Variants in CACNA2D4 observed in about 807,000 individuals in gnomAD.
The protein encoded by CACNA2D4 is calcium voltage-gated channel auxiliary subunit alpha2delta 4.
A neutral mutation model predicts 163.8 loss-of-function variants in CACNA2D4; 157 were observed. The observed-to-expected ratio is 0.96, with a 90% confidence interval of 0.84 to 1.09. CACNA2D4 has a LOEUF of 1.09. Ranked by LOEUF, CACNA2D4 falls within the 50% of genes least tolerant of loss-of-function variation. The probability of loss-of-function intolerance (pLI) is 0.00; values close to 1 mark genes in which losing one functional copy is unlikely to be tolerated. For synonymous variants in CACNA2D4, 598 were observed against 586.9 expected (o/e 1.02, Z -0.27); for missense variants, 1,410 against 1,479.9 (o/e 0.95, Z 0.78).
chr12:1,821,184 A>G (rs1864086152), intron 26 of CACNA2D4, among the ~76,000 whole-genome samples: 1 of 152,182 alleles, frequency 6.6e-6, no homozygotes, highest in Non-Finnish European at 1.5e-5. Flanking sequence ...CTGCACAGAC[A>G]GCCCCAAGAA....
intron 26 of CACNA2D4, among the ~76,000 whole-genome samples, chr12:1,839,857 C>A (rs1398493091): frequency 6.6e-6 from 1 of 152,122 alleles, no homozygotes; most frequent in Non-Finnish European, 1.5e-5. Context: ...TTAGTAACAC[C>A]TTTTGGGGGA....
chr12:1,864,009 G>A (rs1182331458), intron 18 of CACNA2D4, among the ~76,000 whole-genome samples: 1 of 152,244 alleles, frequency 6.6e-6, no homozygotes, highest in African/African-American at 2.4e-5. Context: ...TCGCTGGAAC[G>A]TGGCCGCCAG....
Position 1,801,566 on chromosome 12 carries a change from C to A in CACNA2D4, c.2792+8G>T. ...TATTTGGACTGGGGAGGAGTGTGCC[C>A]CACTTACTGGCTGAACACCCCCATG... On this transcript the variant is annotated splice_region_variant and intron_variant, in intron 30 of 37. Coordinates refer to ENST00000382722, the MANE Select transcript of CACNA2D4 (RefSeq NM_172364.5). The A allele has an allele frequency of 6.3e-7, 1 of 1,576,854 alleles. No homozygotes were observed.
intron 18 of CACNA2D4, among the ~76,000 whole-genome samples, chr12:1,863,404 T>C (rs180842611): frequency 3.9e-4 from 60 of 152,370 alleles, no homozygotes; most frequent in Middle Eastern, 3.4e-3. Flanking sequence ...ATTTTGCCTA[T>C]TCTAGGTCCT....
rs745464325 is a variant in CACNA2D4 at position 1,844,545 on chromosome 12, T to G, written c.2343-16A>C. Reference sequence around the variant, plus strand: ...CAGGAACTTCCTGCAAGGAGGAAGATGTGGTACCTCTCCCCAGATCTGTGA... The same window carrying G: ...CAGGAACTTCCTGCAAGGAGGAAGAGGTGGTACCTCTCCCCAGATCTGTGA... On this transcript the variant is annotated splice_polypyrimidine_tract_variant and intron_variant, in intron 24 of 37. Coordinates refer to ENST00000382722, the MANE Select transcript of CACNA2D4 (RefSeq NM_172364.5). This position sits in a 1 kb window ranked among gnomAD's most constrained non-coding sequence, Gnocchi z 4.2. 6.2e-7 allele frequency: 1 copy of G among 1,610,704 alleles called. No individual in the cohort carries two copies. The highest frequency in any genetic ancestry group is 8.5e-7 in the Non-Finnish European group (1 of 1,178,078).
chr12:1,824,553 G>C lies in CACNA2D4; in HGVS notation c.2552-12830C>G, dbSNP rs149549374. Among the ~76,000 whole-genome samples, 5 of 152,336 alleles carry C rather than the reference G, an allele frequency of 3.3e-5. No homozygotes were observed. The East Asian group carries it at 9.6e-4, about 29-fold the overall frequency. On this transcript the variant is annotated intron_variant, in intron 26 of 37. Transcript: ENST00000382722. ...CCTCCCTGTCTCTAGGACTGGGTTA[G>C]GAGCAGGCCCAGCATCCAGAGTGGA...
chr12:1,865,725 G>T (rs1865637077), intron 18 of CACNA2D4, among the ~76,000 whole-genome samples: 1 of 152,330 alleles, frequency 6.6e-6, no homozygotes, highest in South Asian at 2.1e-4. Flanking sequence ...GGCGCGAGGG[G>T]AGCCGGTGTG....
intron 9 of CACNA2D4, 119 bp from the exon 10 acceptor site, chr12:1,885,195 C>A: frequency 1.2e-6 from 1 of 811,336 alleles, no homozygotes; most frequent in Non-Finnish European, 2.2e-6. Flanking sequence ...ATTTCAGGGC[C>A]TGTGTCTCCA....
rs61907965 is a variant in CACNA2D4, at chr12:1,869,466, C to T, written c.1878+5138G>A. Among the ~76,000 whole-genome samples the T allele has an allele frequency of 0.018, 2,707 of 152,346 alleles. 41 individuals are homozygous for T. The highest frequency in any genetic ancestry group is 0.031 in the Non-Finnish European group (2,078 of 68,036). Reference sequence around the variant, plus strand: ...AGCTCCTCATGGAAGGCACTGGCTCCGTCTGCGGGTCATCTGCCATCCTGA... The same window carrying T: ...AGCTCCTCATGGAAGGCACTGGCTCTGTCTGCGGGTCATCTGCCATCCTGA... On this transcript the variant is annotated intron_variant, in intron 18 of 37. Coordinates refer to ENST00000382722, the MANE Select transcript of CACNA2D4 (RefSeq NM_172364.5). This position sits in a 1 kb window ranked among gnomAD's most constrained non-coding sequence, Gnocchi z 4.7.
chr12:1,903,740 G>T (rs1866591422), intron 6 of CACNA2D4, among the ~76,000 whole-genome samples: 1 of 151,988 alleles, frequency 6.6e-6, no homozygotes, highest in Admixed American at 6.6e-5. Flanking sequence ...CAAGGACTTG[G>T]AGAAACTCAT....
In CACNA2D4 at chr12:1,799,901, T is replaced by C; in HGVS notation, c.2974+99A>G. 3 of 1,367,426 alleles carry C rather than the reference T, an allele frequency of 2.2e-6. No homozygotes were observed. The highest frequency in any genetic ancestry group is 2.0e-6 in the Non-Finnish European group (2 of 985,148). 84.7% of individuals were successfully genotyped at this position (1,367,426 alleles called of 1,614,324 possible). A position where few individuals can be genotyped will look rare whatever the true frequency, so the allele number is the denominator to read the frequency against. On this transcript the variant is annotated intron_variant, in intron 33 of 37. Transcript: ENST00000382722. The surrounding 1 kb of genome is among the most constrained non-coding windows in gnomAD (Gnocchi z 4.7). The stretch of plus-strand genomic sequence containing the variant: ...TGAACAACGATGCTTCAGGGTCACC[T>C]ATCCCCACTGTCACCCACCCCACAG...
intron 29 of CACNA2D4, among the ~76,000 whole-genome samples, chr12:1,807,087 G>A (rs1863564506): frequency 6.6e-6 from 1 of 151,854 alleles, no homozygotes; most frequent in Non-Finnish European, 1.5e-5. Flanking sequence ...TTTCTAGCAA[G>A]CAGAATATGG....
chr12:1,816,761 CACACACATGG>C (rs1242454885), intron 26 of CACNA2D4, among the ~76,000 whole-genome samples: 2 of 152,146 alleles, frequency 1.3e-5, no homozygotes, highest in Non-Finnish European at 2.9e-5. Context: ...CACATACATG[CACACACATGG>C]ACACACACAT....
rs376591807 is a variant in CACNA2D4, at chr12:1,882,902, C to T, written c.1450G>A (p.Asp484Asn). The T allele has an allele frequency of 9.1e-5, 147 of 1,613,680 alleles. No individual in the cohort carries two copies. The highest frequency in any genetic ancestry group is 1.2e-4 in the Non-Finnish European group (137 of 1,179,836). The change falls in exon 13 of 38, where the codon GAC becomes AAC. Residue 484 changes from aspartate (D) to asparagine (N), a missense_variant. Physicochemically the swap from Asp to Asn is conservative, Grantham distance 23. Transcript: ENST00000382722. ...SRPMVINHDH[D>N]IIWTEAYMDS... is the part of the protein sequence containing the mutation. ...ATGTAGGCCTCTGTCCAGATGATGT[C>T]GTGGTCGTGGTTGATGACCATGGGG...
Position 1,884,895 on chromosome 12 carries a change from A to C in CACNA2D4, c.1159-14T>G, listed in dbSNP as rs767615144. ...GGCCTCTTGGAACTGTGTAGGGAAGAGGAGTGCCCATGACCACAGGCCAAG... is the reference window on the plus strand; with the variant it reads ...GGCCTCTTGGAACTGTGTAGGGAAGCGGAGTGCCCATGACCACAGGCCAAG... On this transcript the variant is annotated splice_polypyrimidine_tract_variant and intron_variant, in intron 10 of 37. Coordinates refer to ENST00000382722, the MANE Select transcript of CACNA2D4 (RefSeq NM_172364.5). The C allele has an allele frequency of 9.9e-6, 16 of 1,610,202 alleles. No homozygotes were observed. The Admixed American group carries it at 2.3e-4, about 24-fold the overall frequency.
Position 1,846,585 on chromosome 12 carries a change from C to A in CACNA2D4, c.2342+9G>T, listed in dbSNP as rs946636065. ...GGATTGCCCTCCCGAGGTGGCCGGC[C>A]CAACCCACCTGTCGGAGACCTTCTC... On this transcript the variant is annotated intron_variant, in intron 24 of 37. Coordinates refer to ENST00000382722, the MANE Select transcript of CACNA2D4 (RefSeq NM_172364.5). 37 of 1,584,618 alleles carry A rather than the reference C, an allele frequency of 2.3e-5. No individual in the cohort carries two copies. Among genetic ancestry groups the A allele is most frequent in the Non-Finnish European group, 3.1e-5 (36 of 1,169,850 alleles).
Position 1,793,425 on chromosome 12 carries a change from T to C in CACNA2D4, c.*230A>G. ...TCAGAAGTATGCTCATGTTGAGACC[T>C]AGGGCAGATGGTACCGGGCACCATG... On this transcript the variant is annotated 3_prime_UTR_variant, in exon 38 of 38. Transcript: ENST00000382722. 1.7e-6 allele frequency: 1 copy of C among 599,678 alleles called. No homozygotes were observed. Among genetic ancestry groups the C allele is most frequent in the South Asian group, 2.0e-5 (1 of 51,228 alleles). The allele number at this position is 599,678 out of a possible 1,614,324, so 37.1% of individuals were successfully genotyped here. A position where few individuals can be genotyped will look rare whatever the true frequency, so the allele number is the denominator to read the frequency against.
chr12:1,846,553 C>A (rs765634971), intron 24 of CACNA2D4, 41 bp downstream of exon 24: 4 of 1,493,396 alleles, frequency 2.7e-6, no homozygotes, highest in Non-Finnish European at 1.8e-6. Flanking sequence ...CCCTCTCTGC[C>A]CTGCAGGGAT....
rs764996926 is a variant in CACNA2D4 at position 1,799,952 on chromosome 12, A to G, written c.2974+48T>C. 6.4e-7 allele frequency: 1 copy of G among 1,572,884 alleles called. No homozygotes were observed. On this transcript the variant is annotated intron_variant, in intron 33 of 37. Transcript: ENST00000382722. The surrounding 1 kb of genome is among the most constrained non-coding windows in gnomAD (Gnocchi z 4.7). Reference sequence around the variant, plus strand: ...GGAATGGTCTCACGTTAGTGGACCAAAATGCCACTGCTCTTCAGCACATGG... The same window carrying G: ...GGAATGGTCTCACGTTAGTGGACCAGAATGCCACTGCTCTTCAGCACATGG...
Sources: gnomAD v4.1 joint callset for allele counts (sites outside exome capture counted in the v4.1 genomes callset) on GRCh38, gnomAD v4.1.1 for gene constraint, Gnocchi (gnomAD v3.1) non-coding constraint, MANE v1.5 for transcripts, NCBI Gene and HGNC (gene_info 2026-07-23, HGNC 2026-07-21) for gene names.